CCL26: variants seen among roughly 807,000 people sequenced by gnomAD.
CCL26 encodes C-C motif chemokine ligand 26.
In CCL26, 10 loss-of-function variants were observed where a neutral mutation model predicts 10.7. That is an observed-to-expected ratio of 0.93 (90% CI 0.57 to 1.58). CCL26 has a LOEUF of 1.58. Among genes scored for constraint, CCL26 ranks in the 40% most tolerant of loss-of-function variants. CCL26 has a pLI of 0.00. For synonymous variants in CCL26, 43 were observed against 41.4 expected (o/e 1.04, Z -0.15); for missense variants, 116 against 111.0 (o/e 1.05, Z -0.20).
chr7:75,776,018 T>C (rs1802930814), upstream of CCL26, among the ~76,000 whole-genome samples: 1 of 150,094 alleles, frequency 6.7e-6, no homozygotes, highest in South Asian at 2.1e-4. Context: ...TATGTCCTCC[T>C]CTTCACTAAT....
intron 1 of CCL26, among the ~76,000 whole-genome samples, chr7:75,782,706 C>A (rs986612350): frequency 2.0e-5 from 3 of 152,180 alleles, no homozygotes; most frequent in Non-Finnish European, 4.4e-5. Flanking sequence ...GTCTATCCTA[C>A]AAGATCTAGA....
intron 1 of CCL26, among the ~76,000 whole-genome samples, chr7:75,780,860 T>C (rs1803044979): frequency 6.6e-6 from 1 of 152,122 alleles, no homozygotes; most frequent in African/African-American, 2.4e-5. Flanking sequence ...CCTACAATCC[T>C]TTTATCACCT....
At chr7:75,790,406 T>G (rs1456822164), upstream of CCL26, among the ~76,000 whole-genome samples, 1 of 139,814 alleles carries the variant, frequency 7.2e-6, no homozygotes, top group Non-Finnish European at 1.6e-5. Flanking sequence ...TGCACCACCA[T>G]GTTCTGCTAA....
chr7:75,783,884 C>T lies in CCL26; in HGVS notation c.-79+5833G>A, dbSNP rs1340868796. Reference sequence around the variant, plus strand: ...AACTCTGAGATGCTTTACAGCCCTACACCCTGAAAGGTCAGAAGTCCGTCT... The same window carrying T: ...AACTCTGAGATGCTTTACAGCCCTATACCCTGAAAGGTCAGAAGTCCGTCT... On this transcript the variant is annotated intron_variant, in intron 1 of 3. Transcript: ENST00000394905. Among the ~76,000 whole-genome samples the T allele has an allele frequency of 8.6e-5, 13 of 152,038 alleles. No individual in the cohort carries two copies. The East Asian group carries it at 9.6e-4, about 11-fold the overall frequency.
chr7:75,771,799 C>T (rs1417568077), intron 2 of CCL26, 90 bp downstream of exon 2: 3 of 811,106 alleles, frequency 3.7e-6, no homozygotes, highest in African/African-American at 3.4e-5. Context: ...TCCAGGTTCC[C>T]ATCCCAAGGC....
At chr7:75,770,019 G>T (rs575335016) in intron 2 of CCL26, among the ~76,000 whole-genome samples, 1 of 150,924 alleles carries the variant, frequency 6.6e-6, no homozygotes, top group South Asian at 2.1e-4. Flanking sequence ...ACCATTTACC[G>T]TTTTCCACCA....
At chr7:75,788,931 T>C (rs1803262077) in intron 1 of CCL26, among the ~76,000 whole-genome samples, 1 of 151,940 alleles carries the variant, frequency 6.6e-6, no homozygotes, top group Non-Finnish European at 1.5e-5. Context: ...CTCTTTTTCT[T>C]GTTTTTTAAG....
chr7:75,769,815 C>G, intron 2 of CCL26, 26 bp from the exon 3 acceptor site: 1 of 1,413,600 alleles, frequency 7.1e-7, no homozygotes, highest in Non-Finnish European at 1.0e-6. Context: ...ACGGATAAGT[C>G]AATATTGAGA....
At chr7:75,788,170 G>A (rs531253430) in intron 1 of CCL26, among the ~76,000 whole-genome samples, 1 of 152,146 alleles carries the variant, frequency 6.6e-6, no homozygotes, top group African/African-American at 2.4e-5. Context: ...GGAATGTCAG[G>A]CCTCTGAGCC....
chr7:75,782,875 G>A (rs73357669), intron 1 of CCL26, among the ~76,000 whole-genome samples: 2,797 of 151,946 alleles, frequency 0.018, 85 homozygotes, highest in African/African-American at 0.064. Context: ...CCCAAGCTCT[G>A]AGTCCTTTGA....
intron 2 of CCL26, among the ~76,000 whole-genome samples, chr7:75,770,391 T>C (rs1802796699): frequency 6.8e-6 from 1 of 147,886 alleles, no homozygotes; most frequent in African/African-American, 2.6e-5. Flanking sequence ...TTATTTTTTA[T>C]TTTTTTTGAG....
rs782104257 is a variant in CCL26, at chr7:75,772,049, C to T, written c.74-46G>A. 4 of 1,605,842 alleles carry T rather than the reference C, an allele frequency of 2.5e-6. No homozygotes were observed. In the African/African-American group the frequency reaches 4.0e-5, roughly 16 times the overall value. On this transcript the variant is annotated intron_variant, in intron 1 of 2. Coordinates refer to ENST00000005180, the MANE Select transcript of CCL26 (RefSeq NM_001371938.1). Reference sequence around the variant, plus strand: ...GGGTTTGGAGATACTCATTTCCATCCACTCCCAGGCGGTCCGGGAAGGAAC... The same window carrying T: ...GGGTTTGGAGATACTCATTTCCATCTACTCCCAGGCGGTCCGGGAAGGAAC...
At chr7:75,773,266 A>G (rs1802869642), upstream of CCL26, among the ~76,000 whole-genome samples, 1 of 152,154 alleles carries the variant, frequency 6.6e-6, no homozygotes, top group Admixed American at 6.6e-5. Flanking sequence ...CCCACTAGAA[A>G]TAAAAAAATT....
chr7:75,778,855 G>C (rs576456220), intron 1 of CCL26, among the ~76,000 whole-genome samples: 13 of 151,840 alleles, frequency 8.6e-5, no homozygotes, highest in Non-Finnish European at 7.4e-5. Context: ...AGGTGGGGGG[G>C]GCAGATCACT....
At chr7:75,782,051 C>T (rs1407781999) in intron 1 of CCL26, among the ~76,000 whole-genome samples, 2 of 152,172 alleles carry the variant, frequency 1.3e-5, no homozygotes, top group Non-Finnish European at 2.9e-5. Context: ...CCAACCAGCC[C>T]AAGGAATATC....
chr7:75,776,262 G>A (rs189475641), upstream of CCL26, among the ~76,000 whole-genome samples: 155 of 151,616 alleles, frequency 1.0e-3, 1 homozygote, highest in Middle Eastern at 6.8e-3. Flanking sequence ...GGTAGAGATG[G>A]GGTTTCACCA....
chr7:75,776,737 C>T (rs566648749), upstream of CCL26, among the ~76,000 whole-genome samples: 2 of 152,154 alleles, frequency 1.3e-5, no homozygotes, highest in Admixed American at 6.5e-5. Flanking sequence ...ACACTTAAAC[C>T]GCAGTGTGCC....
At chr7:75,779,106 G>A (rs1049301286) in intron 1 of CCL26, among the ~76,000 whole-genome samples, 2 of 151,932 alleles carry the variant, frequency 1.3e-5, no homozygotes, top group South Asian at 4.2e-4. Flanking sequence ...TGAGCACCTT[G>A]TGTCCCCCAC....
At position 75,771,915 on chromosome 7, in the gene CCL26, A is replaced by T; in HGVS notation, c.162T>A (p.Ser54Arg). ...TCACAGCCCGCTGGGAGCAGCTGTTACTGGTGAATTCATAGCTTCGCACCC... is the reference window on the plus strand; with the variant it reads ...TCACAGCCCGCTGGGAGCAGCTGTTTCTGGTGAATTCATAGCTTCGCACCC... ...WTWVRSYEFT[S>R]NSCSQRAVIF... Residue 54 changes from serine (S) to arginine (R), a missense_variant, in exon 2 of 3, where the codon AGT becomes AGA. Coordinates refer to ENST00000005180, the MANE Select transcript of CCL26 (RefSeq NM_001371938.1). 6.2e-7 allele frequency: 1 copy of T among 1,613,524 alleles called. No homozygotes were observed. Among genetic ancestry groups the T allele is most frequent in the Middle Eastern group, 1.6e-4 (1 of 6,062 alleles).
Sources: gnomAD v4.1 joint callset for allele counts (sites outside exome capture counted in the v4.1 genomes callset) on GRCh38, gnomAD v4.1.1 for gene constraint, MANE v1.5 for transcripts, NCBI Gene and HGNC (gene_info 2026-07-23, HGNC 2026-07-21) for gene names.